The following ARB2A variants were observed in gnomAD, a reference collection of about 807,000 sequenced individuals.
ARB2A encodes cotranscriptional regulator ARB2A.
At chr5:93,892,292 G>C in the ARB2A span, among the ~76,000 whole-genome samples, 1 of 152,074 alleles carries the variant, frequency 6.6e-6, no homozygotes, top group South Asian at 2.1e-4. Flanking sequence ...ACAATGCTCC[G>C]AACTGCTTTA....
At chr5:93,809,800 A>C in the ARB2A span, among the ~76,000 whole-genome samples, 16 of 152,072 alleles carry the variant, frequency 1.1e-4, no homozygotes, top group African/African-American at 3.6e-4. Context: ...GTGAAATGTA[A>C]ACTCTAATTT....
the ARB2A span, among the ~76,000 whole-genome samples, chr5:93,969,841 G>A: frequency 6.6e-6 from 1 of 152,020 alleles, no homozygotes; most frequent in Non-Finnish European, 1.5e-5. Context: ...CTTTAGTCCA[G>A]TAACAGCACT....
At chr5:93,928,359 G>A in the ARB2A span, among the ~76,000 whole-genome samples, 2 of 152,116 alleles carry the variant, frequency 1.3e-5, no homozygotes, top group African/African-American at 4.8e-5. Flanking sequence ...TTCATCCATA[G>A]GCAAATATAA....
At chr5:93,644,448 G>C in the ARB2A span, among the ~76,000 whole-genome samples, 1 of 152,054 alleles carries the variant, frequency 6.6e-6, no homozygotes, top group African/African-American at 2.4e-5. Flanking sequence ...CACCCCAACT[G>C]CAGACTGAAC....
At chr5:93,682,522 T>A in the ARB2A span, among the ~76,000 whole-genome samples, 1 of 151,770 alleles carries the variant, frequency 6.6e-6, no homozygotes, top group Non-Finnish European at 1.5e-5. Flanking sequence ...TTTTTTTTAC[T>A]TTATTAAAAT....
the ARB2A span, among the ~76,000 whole-genome samples, chr5:93,773,897 A>C: frequency 6.6e-6 from 1 of 152,192 alleles, no homozygotes. Context: ...CCTCCTGAAT[A>C]GCTGGGACTG....
the ARB2A span, chr5:93,741,112 A>G: frequency 1.2e-6 from 2 of 1,613,822 alleles, no homozygotes; most frequent in Non-Finnish European, 1.7e-6. Context: ...CAGAGCTCCC[A>G]CAGCGATCCC....
the ARB2A span, among the ~76,000 whole-genome samples, chr5:93,638,943 A>G: frequency 6.6e-6 from 1 of 152,232 alleles, no homozygotes; most frequent in Non-Finnish European, 1.5e-5. Flanking sequence ...CTAAACAATC[A>G]TATCATGTAT....
the ARB2A span, among the ~76,000 whole-genome samples, chr5:93,884,003 C>A: frequency 6.8e-6 from 1 of 146,998 alleles, no homozygotes; most frequent in African/African-American, 2.5e-5. Context: ...TTAGCAAGAC[C>A]AAAATAGAAT....
the ARB2A span, among the ~76,000 whole-genome samples, chr5:93,640,080 A>G: frequency 6.6e-6 from 1 of 151,206 alleles, no homozygotes; most frequent in Admixed American, 6.6e-5. Flanking sequence ...AAAAAAAAAA[A>G]AAAAAAAATT....
the ARB2A span, among the ~76,000 whole-genome samples, chr5:94,034,842 A>C: frequency 6.6e-6 from 1 of 152,190 alleles, no homozygotes; most frequent in Non-Finnish European, 1.5e-5. Flanking sequence ...CAGGTGAGGG[A>C]GCATTACTGC....
At chr5:93,662,277 T>TC in the ARB2A span, among the ~76,000 whole-genome samples, 1 of 152,146 alleles carries the variant, frequency 6.6e-6, no homozygotes, top group Non-Finnish European at 1.5e-5. Flanking sequence ...AGGTCTCTGT[T>TC]CCTTGTAGAT....
the ARB2A span, among the ~76,000 whole-genome samples, chr5:94,076,431 T>A: frequency 6.6e-6 from 1 of 152,130 alleles, no homozygotes; most frequent in South Asian, 2.1e-4. Context: ...TCCTAGTATA[T>A]AAGGTAGGCA....
At chr5:93,857,216 C>T in the ARB2A span, among the ~76,000 whole-genome samples, 1 of 152,176 alleles carries the variant, frequency 6.6e-6, no homozygotes, top group East Asian at 1.9e-4. Context: ...CCCAGTTAGG[C>T]TGCTCGGGGG....
At chr5:93,896,077 A>G in the ARB2A span, among the ~76,000 whole-genome samples, 1 of 152,132 alleles carries the variant, frequency 6.6e-6, no homozygotes, top group East Asian at 1.9e-4. Flanking sequence ...ATAAGCCATA[A>G]TATATCAATA....
At chr5:93,843,077 A>C in the ARB2A span, among the ~76,000 whole-genome samples, 2 of 152,188 alleles carry the variant, frequency 1.3e-5, no homozygotes, top group Admixed American at 6.5e-5. Flanking sequence ...CAGGCTAAAT[A>C]AGACAAAAAG....
the ARB2A span, among the ~76,000 whole-genome samples, chr5:94,088,235 G>T: frequency 6.6e-5 from 10 of 152,168 alleles, no homozygotes; most frequent in Admixed American, 1.3e-4. Flanking sequence ...TTGATTCCTT[G>T]CCTGTTTTCA....
the ARB2A span, among the ~76,000 whole-genome samples, chr5:93,917,045 G>C: frequency 6.6e-6 from 1 of 152,090 alleles, no homozygotes; most frequent in Non-Finnish European, 1.5e-5. Flanking sequence ...CCTTCTTATA[G>C]TATCTCATTT....
chr5:93,964,418 A>T, the ARB2A span: 1 of 1,387,396 alleles, frequency 7.2e-7, no homozygotes, highest in Non-Finnish European at 9.9e-7. Flanking sequence ...GGAAATAAAC[A>T]TTTCATTTGA....
Sources: gnomAD v4.1 joint callset for allele counts (sites outside exome capture counted in the v4.1 genomes callset) on GRCh38, gnomAD v4.1.1 for gene constraint, MANE v1.5 for transcripts, NCBI Gene and HGNC (gene_info 2026-07-23, HGNC 2026-07-21) for gene names.